The following LYVE1 variants were observed in gnomAD, a reference collection of about 807,000 sequenced individuals.
LYVE1 encodes the protein lymphatic vessel endothelial hyaluronic acid receptor 1.
LYVE1 carries 29 observed loss-of-function variants against 31.5 expected under a neutral mutation model. The ratio of observed to expected loss-of-function variants is 0.92; its 90% CI spans 0.69 to 1.26. The LOEUF is 1.26. Ranked by LOEUF, LYVE1 falls within the 50% of genes most tolerant of loss-of-function variation. The probability of loss-of-function intolerance (pLI) is 0.00; values close to 1 mark genes in which losing one functional copy is unlikely to be tolerated. For synonymous variants in LYVE1, 134 were observed against 139.4 expected, an observed-to-expected ratio of 0.96 and a Z score of 0.27; for missense variants, 376 against 380.2, an observed-to-expected ratio of 0.99 and a Z score of 0.09.
At chr11:10,563,912 A>C (rs745387812) in intron 3 of LYVE1, 28 bp downstream of exon 3, 3 of 1,613,906 alleles carry the variant, frequency 1.9e-6, no homozygotes, top group South Asian at 2.2e-5. Context: ...AGAGAATGCC[A>C]CGTGGAAAGG....
chr11:10,560,384 T>A, intron 4 of LYVE1, 111 bp downstream of exon 4: 1 of 870,496 alleles, frequency 1.1e-6, no homozygotes. Context: ...AAGCTTTTAT[T>A]AGTATTTGAC....
intron 3 of LYVE1, among the ~76,000 whole-genome samples, chr11:10,561,977 AAAT>A (rs1850435774): frequency 6.6e-6 from 1 of 152,200 alleles, no homozygotes; most frequent in African/African-American, 2.4e-5. Flanking sequence ...AATAAAAATA[AAAT>A]AATAAAATAA....
intron 1 of LYVE1, among the ~76,000 whole-genome samples, chr11:10,567,352 T>A (rs918008995): frequency 3.9e-5 from 6 of 152,194 alleles, no homozygotes; most frequent in Non-Finnish European, 7.3e-5. Context: ...TAGTCCAGAG[T>A]GTGATGGAGT....
intron 3 of LYVE1, among the ~76,000 whole-genome samples, 156 bp downstream of exon 3, chr11:10,563,783 GC>G (rs1379512406): frequency 6.6e-6 from 1 of 152,122 alleles, no homozygotes; most frequent in Non-Finnish European, 1.5e-5. Context: ...GGGGCATATT[GC>G]CACCCCTAGC....
At chr11:10,562,590 T>C (rs1372212390) in intron 3 of LYVE1, among the ~76,000 whole-genome samples, 1 of 152,218 alleles carries the variant, frequency 6.6e-6, no homozygotes, top group African/African-American at 2.4e-5. Flanking sequence ...GAAGGTCAGA[T>C]AGATGAGTAT....
In LYVE1 at chr11:10,559,019, G is replaced by A; in HGVS notation, c.*92C>T. 8.3e-7 allele frequency: 1 copy of A among 1,204,152 alleles called. No individual in the cohort carries two copies. Among genetic ancestry groups the A allele is most frequent in the Non-Finnish European group, 1.2e-6 (1 of 847,414 alleles). 74.6% of individuals were successfully genotyped at this position (1,204,152 alleles called of 1,614,324 possible). A position where few individuals can be genotyped will look rare whatever the true frequency, so the allele number is the denominator to read the frequency against. ...GAACCAAGGGTGGACTTTCTTCTTT[G>A]GTTCTTTGGCCCTTTTGATTTCCCC... is the stretch of plus-strand genomic sequence containing the variant. On this transcript the variant is annotated 3_prime_UTR_variant, in exon 6 of 6. Transcript: ENST00000256178.
At chr11:10,563,138 A>G (rs532751218) in intron 3 of LYVE1, among the ~76,000 whole-genome samples, 21 of 151,876 alleles carry the variant, frequency 1.4e-4, no homozygotes, top group Middle Eastern at 3.4e-3. Flanking sequence ...TATTTTTAGT[A>G]GAGACGGGGT....
Position 10,564,390 on chromosome 11 carries a change from A to T in LYVE1, c.86-16T>A. 1 of 1,608,210 alleles carries T rather than the reference A, an allele frequency of 6.2e-7. No individual in the cohort carries two copies. The highest frequency in any genetic ancestry group is 8.5e-7 in the Non-Finnish European group (1 of 1,176,426). ...ATGGAAAGCTCTGCAAAGGAATCAC[A>T]TAGGTCCTCAGTTTGCTGCTGTCCT... is the stretch of plus-strand genomic sequence containing the variant. On this transcript the variant is annotated splice_polypyrimidine_tract_variant and intron_variant, in intron 1 of 5. Transcript: ENST00000256178.
intron 1 of LYVE1, among the ~76,000 whole-genome samples, chr11:10,565,428 C>T (rs1016856433): frequency 2.0e-5 from 3 of 152,354 alleles, no homozygotes; most frequent in Admixed American, 6.5e-5. Context: ...TACTGGGCTT[C>T]ATCCACAAAC....
At position 10,560,806 on chromosome 11, in the gene LYVE1, G is replaced by A; in HGVS notation, c.398-6C>T. On this transcript the variant is annotated splice_region_variant and splice_polypyrimidine_tract_variant and intron_variant, in intron 3 of 5. Transcript: ENST00000256178. ...GCACGAGTTAGTCCAAGTATCTGTT[G>A]GGATAGGGAAACATGGAATAAAAGT... 6.3e-7 allele frequency: 1 copy of A among 1,599,810 alleles called. No homozygotes were observed. The highest frequency in any genetic ancestry group is 8.5e-7 in the Non-Finnish European group (1 of 1,169,978).
intron 2 of LYVE1, 39 bp from the exon 3 acceptor site, chr11:10,564,118 T>C (rs1362302084): frequency 6.2e-7 from 1 of 1,614,126 alleles, no homozygotes; most frequent in African/African-American, 1.3e-5. Flanking sequence ...GAAAAATGAT[T>C]AGAAGGCTTC....
At chr11:10,565,182 A>G (rs933379798) in intron 1 of LYVE1, among the ~76,000 whole-genome samples, 1 of 152,226 alleles carries the variant, frequency 6.6e-6, no homozygotes, top group Non-Finnish European at 1.5e-5. Flanking sequence ...GCCACATGGT[A>G]GGTGCTTAAT....
intron 4 of LYVE1, among the ~76,000 whole-genome samples, 189 bp downstream of exon 4, chr11:10,560,306 T>C (rs1392746121): frequency 2.6e-5 from 4 of 152,238 alleles, no homozygotes; most frequent in Non-Finnish European, 5.9e-5. Flanking sequence ...CTTACACTTT[T>C]TAGCTTAATC....
At chr11:10,559,580 A>T (rs1334651760) in intron 5 of LYVE1, among the ~76,000 whole-genome samples, 3 of 152,054 alleles carry the variant, frequency 2.0e-5, no homozygotes, top group African/African-American at 7.2e-5. Context: ...CCAGATGTCA[A>T]TTTTTTTTAA....
Position 10,557,597 on chromosome 11 carries a change from T to C in LYVE1, c.*1514A>G, listed in dbSNP as rs7358373. ...AGACGAATGAGCCATCCTGGATCTCTGGCTCCCTGGTGAATTCTGAAATGG... is the reference window on the plus strand; with the variant it reads ...AGACGAATGAGCCATCCTGGATCTCCGGCTCCCTGGTGAATTCTGAAATGG... On this transcript the variant is annotated 3_prime_UTR_variant, in exon 6 of 6. Coordinates refer to ENST00000256178, the MANE Select transcript of LYVE1 (RefSeq NM_006691.4). 54,557 of 152,018 alleles carry C rather than the reference T, an allele frequency of 0.36. 10,877 individuals are homozygous for C. The highest frequency in any genetic ancestry group is 0.71 in the East Asian group (3,631 of 5,138). 9.4% of individuals were successfully genotyped at this position (152,018 alleles called of 1,614,324 possible).
chr11:10,566,984 A>G (rs1012670125), intron 1 of LYVE1, among the ~76,000 whole-genome samples: 2 of 152,234 alleles, frequency 1.3e-5, no homozygotes, highest in African/African-American at 2.4e-5. Flanking sequence ...TTCTCAGGAA[A>G]CAGCAAACAT....
intron 3 of LYVE1, among the ~76,000 whole-genome samples, chr11:10,561,655 T>C (rs1047521677): frequency 5.3e-5 from 8 of 152,264 alleles, no homozygotes; most frequent in Admixed American, 5.2e-4. Flanking sequence ...ACAATATTAC[T>C]AAACCCTTGT....
chr11:10,565,514 C>T (rs1172589957), intron 1 of LYVE1, among the ~76,000 whole-genome samples: 6 of 152,196 alleles, frequency 3.9e-5, no homozygotes, highest in African/African-American at 1.2e-4. Flanking sequence ...CAGTCAAATG[C>T]TTTGACCACT....
rs748884292 is a variant in LYVE1 at position 10,560,749 on chromosome 11, A to G, written c.449T>C (p.Ile150Thr). ...TTGTGTTGCAGTTTGAGTGTTGAAT[A>G]TGGGATCTTTGGTGGTGATAATTTC... Reference protein sequence around the residue: ...IPEIITTKDPIFNTQTATQTT... With the variant: ...IPEIITTKDPTFNTQTATQTT... The change falls in exon 4 of 6, where the codon ATA becomes ACA. Residue 150 changes from isoleucine to threonine, a missense_variant. By Grantham distance (89) the Ile-to-Thr change is moderately conservative (BLOSUM62 -1). Transcript: ENST00000256178. 1.2e-6 allele frequency: 2 copies of G among 1,613,738 alleles called. No individual in the cohort carries two copies. The highest frequency in any genetic ancestry group is 1.7e-6 in the Non-Finnish European group (2 of 1,179,754).
Sources: gnomAD v4.1 joint callset for allele counts (sites outside exome capture counted in the v4.1 genomes callset) on GRCh38, gnomAD v4.1.1 for gene constraint, MANE v1.5 for transcripts, NCBI Gene and HGNC (gene_info 2026-07-23, HGNC 2026-07-21) for gene names.